Variants in RTEL1 observed in about 807,000 individuals in gnomAD.
The protein encoded by RTEL1 is regulator of telomere elongation helicase 1, also known as regulator of telomere length.
RTEL1 carries 86 observed loss-of-function variants against 162.2 expected under a neutral mutation model. The ratio of observed to expected loss-of-function variants is 0.53; its 90% CI spans 0.45 to 0.63. The LOEUF (loss-of-function observed/expected upper bound fraction) is 0.63, where lower values mean the gene tolerates loss of function less well. Among genes scored for constraint, RTEL1 ranks in the 30% least tolerant of loss-of-function variants. The probability of loss-of-function intolerance (pLI) is 0.00; values close to 1 mark genes in which losing one functional copy is unlikely to be tolerated. For synonymous variants in RTEL1, 958 were observed against 717.9 expected, an observed-to-expected ratio of 1.33 and a Z score of -5.35; for missense variants, 1,941 against 1,750.2, an observed-to-expected ratio of 1.11 and a Z score of -1.95.
At chr20:63,679,988 G>A (rs777017816) in intron 13 of RTEL1, 42 bp downstream of exon 13, 35 of 1,438,674 alleles carry the variant, frequency 2.4e-5, no homozygotes, top group Middle Eastern at 3.6e-4. Context: ...CAAATGTGGC[G>A]TAGGGGGTGC....
In RTEL1 at chr20:63,695,546, G is replaced by C. The variant is rs758703069; in HGVS notation, c.3718G>C (p.Ala1240Pro). ...ATGAPGGPLS[A>P]GCVCQGCGAE... is the part of the protein sequence containing the mutation. ...GGGAGCTCCGGGCGGGCCCCTCTCA[G>C]CAGGCTGTGTGTGCCAGGGCTGTGG... Residue 1240 changes from alanine to proline, a missense_variant, in exon 34 of 35, where the codon GCA becomes CCA. By Grantham distance (27) the Ala-to-Pro change is conservative. Coordinates refer to ENST00000360203, the MANE Select transcript of RTEL1 (RefSeq NM_001283009.2). 8 of 1,612,386 alleles carry C rather than the reference G, an allele frequency of 5.0e-6. No homozygotes were observed. The highest frequency in any genetic ancestry group is 1.7e-4 in the Middle Eastern group (1 of 6,036).
intron 6 of RTEL1, chr20:63,663,122 G>A: frequency 1.7e-6 from 1 of 588,588 alleles, no homozygotes. Flanking sequence ...TGGTGCCTGG[G>A]GCCTTGGATT....
chr20:63,665,963 G>A (rs1321453221), intron 6 of RTEL1, 41 bp from the exon 7 acceptor site: 1 of 1,592,992 alleles, frequency 6.3e-7, no homozygotes, highest in East Asian at 2.2e-5. Flanking sequence ...GGACTTAGTG[G>A]ACCCTGAGGG....
chr20:63,693,696 A>T (rs181803055), intron 30 of RTEL1, among the ~76,000 whole-genome samples: 88 of 36,302 alleles, frequency 2.4e-3, no homozygotes, highest in African/African-American at 2.8e-3. Context: ...CACCACCACC[A>T]CCACCACCTC....
chr20:63,687,419 TCCCAGGACC>T, intron 16 of RTEL1: 1 of 559,532 alleles, frequency 1.8e-6, no homozygotes, highest in South Asian at 2.4e-5. Flanking sequence ...TGCCTCCTAC[TCCCAGGACC>T]CCCTGTCCCC....
Position 63,689,546 on chromosome 20 carries a change from G to A in RTEL1, c.1923G>A (p.Val641=). The change falls in exon 23 of 35, where the codon GTG becomes GTA. Residue 641 remains valine (V), a synonymous_variant. Transcript: ENST00000360203. The stretch of plus-strand genomic sequence containing the variant: ...TCTCAGACACGAATGGCCGTGGTGT[G>A]ATTGTCACGGGCCTCCCGTACCCCC... ...LDFSDTNGRG[V]IVTGLPYPPR... is the part of the protein sequence containing the mutation. The A allele has an allele frequency of 6.2e-7, 1 of 1,611,172 alleles. No individual in the cohort carries two copies. Among genetic ancestry groups the A allele is most frequent in the East Asian group, 2.2e-5 (1 of 44,830 alleles).
rs766676603 is a variant in RTEL1, at chr20:63,687,919, C to T, written c.1482-18C>T. 6.1e-5 allele frequency: 99 copies of T among 1,610,892 alleles called. No homozygotes were observed. The highest frequency in any genetic ancestry group is 8.2e-5 in the Non-Finnish European group (97 of 1,178,486). On this transcript the variant is annotated intron_variant, in intron 17 of 34. Coordinates refer to ENST00000360203, the MANE Select transcript of RTEL1 (RefSeq NM_001283009.2). ...CTGGTGCACTTCCCCACTGTCTGCT[C>T]CCTCTGGCCACGCTCAGCCCTTTCC...
chr20:63,693,339 C>A, intron 30 of RTEL1, 56 bp downstream of exon 30: 1 of 1,601,768 alleles, frequency 6.2e-7, no homozygotes, highest in East Asian at 2.2e-5. Context: ...CAGTGTGGGC[C>A]AGAGTCCTGG....
chr20:63,689,131 A>G lies in RTEL1; in HGVS notation c.1877A>G (p.Lys626Arg), dbSNP rs1018679403. 14 of 1,608,632 alleles carry G rather than the reference A, an allele frequency of 8.7e-6. No homozygotes were observed. Among genetic ancestry groups the G allele is most frequent in the African/African-American group, 1.3e-5 (1 of 74,906 alleles). Residue 626 changes from lysine to arginine, a missense_variant and splice_region_variant, in exon 22 of 35, where the codon AAG (lysine) becomes AGG (arginine). Coordinates refer to ENST00000360203, the MANE Select transcript of RTEL1 (RefSeq NM_001283009.2). ...GATFLAVCRG[K>R]ASEGLDFSDT... ...ACCTTCCTGGCGGTCTGCCGGGGCA[A>G]GGTGAGCTCTCCAGGGCCCTCTGCC... is the stretch of plus-strand genomic sequence containing the variant.
chr20:63,693,630 TCCACCACCACCACCTCCACCTCCA>T (rs2090871090), intron 30 of RTEL1, among the ~76,000 whole-genome samples: 3 of 3,128 alleles, frequency 9.6e-4, no homozygotes, highest in South Asian at 0.012. Flanking sequence ...CACCACCACC[TCCACCACCACCACCTCCACCTCCA>T]CCACCACCTC....
chr20:63,681,288 G>A (rs2090473028), intron 14 of RTEL1: 1 of 985,406 alleles, frequency 1.0e-6, no homozygotes, highest in Non-Finnish European at 1.2e-6. Context: ...TGGCGTAGAG[G>A]TGCTTGTCCG....
chr20:63,695,065 G>A lies in RTEL1; in HGVS notation c.3344-1G>A. On this transcript the variant is annotated splice_acceptor_variant, in intron 32 of 34. Coordinates refer to ENST00000360203, the MANE Select transcript of RTEL1 (RefSeq NM_001283009.2). LOFTEE classifies it high-confidence loss of function. The stretch of plus-strand genomic sequence containing the variant: ...CCGGGTCTGATTGAAGCTCCCCGCA[G>A]GGTTCAGCATGTTTGTGCGTCCACA... 6.2e-7 allele frequency: 1 copy of A among 1,612,164 alleles called. No homozygotes were observed. The highest frequency in any genetic ancestry group is 8.5e-7 in the Non-Finnish European group (1 of 1,179,700).
rs1601076485 is a variant in RTEL1, at chr20:63,658,946, T to C, written c.-170-287T>C. Among the ~76,000 whole-genome samples, 4 of 151,634 alleles carry C rather than the reference T, an allele frequency of 2.6e-5. No homozygotes were observed. The South Asian group carries it at 8.3e-4, about 32-fold the overall frequency. On this transcript the variant is annotated intron_variant, in intron 1 of 34. Coordinates refer to ENST00000360203, the MANE Select transcript of RTEL1 (RefSeq NM_001283009.2). The stretch of plus-strand genomic sequence containing the variant: ...TTGCGCCTGGTGAGGCCGGGAGGGG[T>C]GCCGCTTGCCTCTTCAGCCCTCACG...
In RTEL1 at chr20:63,659,574, T is replaced by C; in HGVS notation, c.102+70T>C. ...TCAGCCAGGACGGGGTGTGCTTCCC[T>C]CTCCCGGCCCATTCCAGCCAGGCCC... On this transcript the variant is annotated intron_variant, in intron 2 of 34. Coordinates refer to ENST00000360203, the MANE Select transcript of RTEL1 (RefSeq NM_001283009.2). 6.7e-6 allele frequency: 8 copies of C among 1,192,486 alleles called. No homozygotes were observed. The South Asian group carries it at 9.9e-5, about 15-fold the overall frequency. 73.9% of individuals were successfully genotyped at this position (1,192,486 alleles called of 1,614,324 possible).
chr20:63,687,601 TCA>T, intron 16 of RTEL1, 35 bp from the exon 17 acceptor site: 1 of 1,572,986 alleles, frequency 6.4e-7, no homozygotes, highest in Non-Finnish European at 8.6e-7. Context: ...AGTCCCGTCC[TCA>T]CACTCTGTGC....
At chr20:63,666,763 C>T (rs565713928) in intron 7 of RTEL1, among the ~76,000 whole-genome samples, 3 of 151,414 alleles carry the variant, frequency 2.0e-5, no homozygotes, top group African/African-American at 2.4e-5. Context: ...CTCCTGAGCT[C>T]GAGAGTTCCA....
intron 7 of RTEL1, among the ~76,000 whole-genome samples, chr20:63,666,898 GGT>G (rs1184312923): frequency 5.5e-5 from 8 of 145,998 alleles, no homozygotes; most frequent in African/African-American, 1.5e-4. Context: ...GGAGTGCAGT[GGT>G]GCGATCTCGG....
chr20:63,677,621 A>T (rs2090383364), intron 10 of RTEL1, among the ~76,000 whole-genome samples: 2 of 152,198 alleles, frequency 1.3e-5, no homozygotes, highest in Non-Finnish European at 2.9e-5. Flanking sequence ...TCAAAAATGA[A>T]TAGATAAATA....
intron 6 of RTEL1, chr20:63,665,214 A>C (rs926726497): frequency 2.6e-5 from 4 of 152,666 alleles, no homozygotes; most frequent in African/African-American, 9.6e-5. Context: ...GGACAGGCAC[A>C]AAGCAGCCAT....
Sources: gnomAD v4.1 joint callset for allele counts (sites outside exome capture counted in the v4.1 genomes callset) on GRCh38, gnomAD v4.1.1 for gene constraint, MANE v1.5 for transcripts, NCBI Gene and HGNC (gene_info 2026-07-23, HGNC 2026-07-21) for gene names.